The following HDHD2 variants were observed in gnomAD, a reference collection of about 807,000 sequenced individuals.
The protein encoded by HDHD2 is haloacid dehalogenase like hydrolase domain containing 2, also known as haloacid dehalogenase-like hydrolase domain-containing protein 2.
A neutral mutation model predicts 24.8 loss-of-function variants in HDHD2; 26 were observed. The ratio of observed to expected loss-of-function variants is 1.05; its 90% confidence interval spans 0.77 to 1.45. The LOEUF is 1.45. Ranked by LOEUF, HDHD2 falls within the 40% of genes most tolerant of loss-of-function variation. The probability of loss-of-function intolerance (pLI) is 0.00; values close to 1 mark genes in which losing one functional copy is unlikely to be tolerated. For synonymous variants in HDHD2, 128 were observed against 114.9 expected, an observed-to-expected ratio of 1.11 and a Z score of -0.73; for missense variants, 299 against 313.4, an observed-to-expected ratio of 0.95 and a Z score of 0.35.
chr18:47,132,419 A>C (rs1388999850), intron 3 of HDHD2, among the ~76,000 whole-genome samples: 1 of 152,088 alleles, frequency 6.6e-6, no homozygotes, highest in Non-Finnish European at 1.5e-5. Flanking sequence ...TGTTCATGTC[A>C]TTGTGTATTT....
intron 1 of HDHD2, among the ~76,000 whole-genome samples, chr18:47,139,568 C>T (rs996978244): frequency 2.0e-5 from 3 of 151,492 alleles, no homozygotes; most frequent in Non-Finnish European, 4.4e-5. Flanking sequence ...ACTAATCAAA[C>T]CCAAAGTGGG....
chr18:47,144,435 G>A (rs938619278), intron 1 of HDHD2, among the ~76,000 whole-genome samples: 2 of 152,158 alleles, frequency 1.3e-5, no homozygotes, highest in Admixed American at 6.5e-5. Flanking sequence ...GGGGTGGTAG[G>A]TATAAAGTGC....
intron 3 of HDHD2, among the ~76,000 whole-genome samples, chr18:47,131,152 T>G (rs1481782532): frequency 6.6e-6 from 1 of 152,114 alleles, no homozygotes; most frequent in East Asian, 1.9e-4. Flanking sequence ...TAATTTTGTA[T>G]TTTTGGTAGA....
intron 1 of HDHD2, among the ~76,000 whole-genome samples, chr18:47,140,499 G>C (rs1476610889): frequency 1.3e-5 from 2 of 151,912 alleles, no homozygotes; most frequent in Non-Finnish European, 2.9e-5. Context: ...TGTTGTTTTT[G>C]TCTTATATCC....
At chr18:47,120,144 T>C (rs2063592305) in intron 4 of HDHD2, among the ~76,000 whole-genome samples, 1 of 152,216 alleles carries the variant, frequency 6.6e-6, no homozygotes, top group Non-Finnish European at 1.5e-5. Context: ...TGCCCGTCCT[T>C]TGAAGCTTTG....
chr18:47,134,006 T>C (rs1458685636), intron 3 of HDHD2, among the ~76,000 whole-genome samples: 1 of 152,244 alleles, frequency 6.6e-6, no homozygotes, highest in Admixed American at 6.5e-5. Flanking sequence ...CAATTTTGGC[T>C]TTTGCTGCCA....
chr18:47,120,837 GAGTT>G, intron 4 of HDHD2, among the ~76,000 whole-genome samples: 1 of 152,278 alleles, frequency 6.6e-6, no homozygotes, highest in Middle Eastern at 3.4e-3. Flanking sequence ...GGAGAGGAGA[GAGTT>G]AGAACAGCTG....
Position 47,108,651 on chromosome 18 carries a change from A to G in HDHD2, c.*31T>C. The G allele has an allele frequency of 8.4e-7, 1 of 1,192,496 alleles. No individual in the cohort carries two copies. Among genetic ancestry groups the G allele is most frequent in the Non-Finnish European group, 1.2e-6 (1 of 809,350 alleles). 73.9% of individuals were successfully genotyped at this position (1,192,496 alleles called of 1,614,324 possible). On this transcript the variant is annotated 3_prime_UTR_variant, in exon 7 of 7. Coordinates refer to ENST00000300605, the MANE Select transcript of HDHD2 (RefSeq NM_032124.5). ...TTCATTCCAGACAATAAGAAGCTGC[A>G]TTTCAAGTTGCTTCAGATGCACACA...
chr18:47,148,103 AC>A (rs1170626460), intron 1 of HDHD2, among the ~76,000 whole-genome samples: 1 of 145,106 alleles, frequency 6.9e-6, no homozygotes, highest in Non-Finnish European at 1.5e-5. Flanking sequence ...CCATCCTCCC[AC>A]CTCCGCCTCC....
intron 1 of HDHD2, among the ~76,000 whole-genome samples, chr18:47,140,038 T>C (rs1209686342): frequency 6.6e-6 from 1 of 152,234 alleles, no homozygotes; most frequent in Non-Finnish European, 1.5e-5. Flanking sequence ...TAATTTGTGA[T>C]AATAATTTTC....
intron 6 of HDHD2, chr18:47,109,548 T>C (rs2065665953): frequency 6.6e-6 from 1 of 152,340 alleles, no homozygotes. Context: ...CTACTGCTGC[T>C]TACCAAGCCC....
intron 4 of HDHD2, among the ~76,000 whole-genome samples, chr18:47,120,105 C>G (rs2063591778): frequency 6.6e-6 from 1 of 152,160 alleles, no homozygotes; most frequent in Admixed American, 6.5e-5. Flanking sequence ...TTAAAGTCAC[C>G]AGCTGCATTA....
chr18:47,138,126 C>T (rs1278136270), intron 1 of HDHD2, among the ~76,000 whole-genome samples: 6 of 126,110 alleles, frequency 4.8e-5, no homozygotes, highest in East Asian at 2.3e-4. Flanking sequence ...GAGCCGAGAT[C>T]GCACCACTGC....
chr18:47,128,904 A>T (rs2063685751), intron 4 of HDHD2, among the ~76,000 whole-genome samples: 1 of 152,152 alleles, frequency 6.6e-6, no homozygotes, highest in African/African-American at 2.4e-5. Context: ...TAAACATTCT[A>T]TTTCTGTAGT....
At position 47,108,694 on chromosome 18, in the gene HDHD2, CT is replaced by C. The variant is rs1382614707; in HGVS notation, c.767del (p.Gln256ArgfsTer14). 2 of 1,587,642 alleles carry C rather than the reference CT, an allele frequency of 1.3e-6. No homozygotes were observed. Among genetic ancestry groups the C allele is most frequent in the Non-Finnish European group, 8.6e-7 (1 of 1,157,738 alleles). On this transcript the variant is annotated frameshift_variant, in exon 7 of 7. Transcript: ENST00000300605. LOFTEE classifies it high-confidence loss of function. ...SFPHAVDHIL[Q>X]HLL ...TGCACACACTGCTTCACAATAGGTGCTGCAGAATGTGGTCCACAGCATGAGG... is the reference window on the plus strand; with the variant it reads ...TGCACACACTGCTTCACAATAGGTGCGCAGAATGTGGTCCACAGCATGAGG...
intron 1 of HDHD2, among the ~76,000 whole-genome samples, chr18:47,145,618 T>C (rs934431346): frequency 6.6e-6 from 1 of 152,118 alleles, no homozygotes; most frequent in Non-Finnish European, 1.5e-5. Flanking sequence ...ACACAACAAT[T>C]TTCTTTTCCA....
chr18:47,140,005 T>C (rs1157053522), intron 1 of HDHD2, among the ~76,000 whole-genome samples: 1 of 152,232 alleles, frequency 6.6e-6, no homozygotes, highest in Non-Finnish European at 1.5e-5. Flanking sequence ...TCAGTTAAAT[T>C]TCCTGGAAGT....
intron 1 of HDHD2, among the ~76,000 whole-genome samples, chr18:47,145,371 TTACTTAATGAGGTCTTG>T (rs2063859102): frequency 6.6e-6 from 1 of 152,244 alleles, no homozygotes; most frequent in South Asian, 2.1e-4. Flanking sequence ...ATATCCAGAC[TTACTTAATGAGGTCTTG>T]TAATTAATTA....
chr18:47,133,497 T>TTGGG (rs570277112), intron 3 of HDHD2, among the ~76,000 whole-genome samples: 5 of 104,444 alleles, frequency 4.8e-5, no homozygotes, highest in Admixed American at 9.7e-5. Flanking sequence ...TTATAGTCCT[T>TTGGG]TAATGGGATG....
Sources: gnomAD v4.1 joint callset for allele counts (sites outside exome capture counted in the v4.1 genomes callset) on GRCh38, gnomAD v4.1.1 for gene constraint, MANE v1.5 for transcripts, NCBI Gene and HGNC (gene_info 2026-07-23, HGNC 2026-07-21) for gene names.